The following GAPVD1 variants were observed in gnomAD, a reference collection of about 807,000 sequenced individuals.
The protein encoded by GAPVD1 is GTPase-activating protein and VPS9 domain-containing protein 1.
In GAPVD1, 35 loss-of-function variants were observed where a neutral mutation model predicts 155.5. The observed-to-expected ratio is 0.23, with a 90% confidence interval of 0.17 to 0.30. The LOEUF (loss-of-function observed/expected upper bound fraction) is 0.30. Ranked by LOEUF, GAPVD1 falls within the 10% of genes least tolerant of loss-of-function variation. The pLI is 1.00. For synonymous variants in GAPVD1, 636 were observed against 619.7 expected (o/e 1.03, Z -0.39); for missense variants, 1,429 against 1,775.7 (o/e 0.80, Z 3.51).
At chr9:125,349,589 A>C in intron 21 of GAPVD1, 70 bp downstream of exon 21, 1 of 1,364,232 alleles carries the variant, frequency 7.3e-7, no homozygotes, top group Middle Eastern at 1.8e-4. Context: ...ACGTCAAGTC[A>C]AGTGATGTTT....
At chr9:125,293,028 A>G (rs1048098609) in intron 2 of GAPVD1, among the ~76,000 whole-genome samples, 2 of 152,186 alleles carry the variant, frequency 1.3e-5, no homozygotes, top group African/African-American at 4.8e-5. Flanking sequence ...GTATAGGAAC[A>G]TGTTAGGAAA....
intron 25 of GAPVD1, among the ~76,000 whole-genome samples, chr9:125,358,363 C>T (rs1349561890): frequency 6.6e-6 from 1 of 152,188 alleles, no homozygotes; most frequent in Non-Finnish European, 1.5e-5. Flanking sequence ...ACCTTGGCCT[C>T]CTGAAGTACT....
At chr9:125,277,461 G>A (rs1481465420) in intron 2 of GAPVD1, among the ~76,000 whole-genome samples, 1 of 152,168 alleles carries the variant, frequency 6.6e-6, no homozygotes, top group East Asian at 1.9e-4. Flanking sequence ...AGAATGTATA[G>A]AAGTGTAGTT....
At chr9:125,262,327 GTCTTCTGAGTGTCGC>G (rs1220419953) in intron 1 of GAPVD1, among the ~76,000 whole-genome samples, 5 of 152,182 alleles carry the variant, frequency 3.3e-5, no homozygotes, top group African/African-American at 1.2e-4. Flanking sequence ...GAAATGGAAT[GTCTTCTGAGTGTCGC>G]TGATAAAGAT....
In GAPVD1 at chr9:125,300,023, G is replaced by GAAAAAAAAA. The variant is rs1175810085; in HGVS notation, c.185+925_185+933dup. Among the ~76,000 whole-genome samples, 3 of 666 alleles carry GAAAAAAAAA rather than the reference G, an allele frequency of 4.5e-3. 1 individual carries two copies. Among genetic ancestry groups the GAAAAAAAAA allele is most frequent in the Admixed American group, 0.059 (2 of 34 alleles). 0.4% of individuals were successfully genotyped at this position (666 alleles called of 152,430 possible). On this transcript the variant is annotated intron_variant, in intron 4 of 27. Coordinates refer to ENST00000297933, the MANE Select transcript of GAPVD1 (RefSeq NM_001282680.3). ...GACAGAGTGAGACTCTGTCTCAAAA[G>GAAAAAAAAA]AAAAAAAAAAAAAAAATATATATAT...
chr9:125,334,113 T>A, intron 15 of GAPVD1, among the ~76,000 whole-genome samples: 1 of 151,844 alleles, frequency 6.6e-6, no homozygotes, highest in South Asian at 2.1e-4. Flanking sequence ...GAGGGAGGAG[T>A]GTAGATGAAG....
At chr9:125,329,134 A>G (rs1384687770) in intron 12 of GAPVD1, among the ~76,000 whole-genome samples, 4 of 151,058 alleles carry the variant, frequency 2.6e-5, no homozygotes, top group African/African-American at 9.9e-5. Flanking sequence ...AGGGAGAGGG[A>G]GAGGTGTAAA....
rs189315227 is a variant in GAPVD1 at position 125,282,731 on chromosome 9, A to G, written c.-149-12727A>G. On this transcript the variant is annotated intron_variant, in intron 2 of 27. Transcript: ENST00000297933. Reference sequence around the variant, plus strand: ...TTACAGTATACCATCTGAGATAGATAAGGGCATCATCCCAATTTTGAAGAT... The same window carrying G: ...TTACAGTATACCATCTGAGATAGATGAGGGCATCATCCCAATTTTGAAGAT... Among the ~76,000 whole-genome samples, 433 of 152,298 alleles carry G rather than the reference A, an allele frequency of 2.8e-3. 2 individuals carry two copies. The highest frequency in any genetic ancestry group is 0.01 in the African/African-American group (416 of 41,574).
Position 125,312,573 on chromosome 9 carries a change from A to G in GAPVD1, c.1563A>G (p.Thr521=), listed in dbSNP as rs1406218358. 1 of 1,602,292 alleles carries G rather than the reference A, an allele frequency of 6.2e-7. No individual in the cohort carries two copies. Among genetic ancestry groups the G allele is most frequent in the African/African-American group, 1.3e-5 (1 of 74,382 alleles). Reference sequence around the variant, plus strand: ...AGGTGTTGGTCATTTCCTTAGGTACAGGTCCCCAGCTTACTCCAGGGATGA... The same window carrying G: ...AGGTGTTGGTCATTTCCTTAGGTACGGGTCCCCAGCTTACTCCAGGGATGA... ...PEEVLVISLG[T]GPQLTPGMMS... Residue 521 remains threonine, a synonymous_variant, in exon 9 of 28, where the codon ACA becomes ACG. Coordinates refer to ENST00000297933, the MANE Select transcript of GAPVD1 (RefSeq NM_001282680.3).
chr9:125,302,452 C>G lies in GAPVD1; in HGVS notation c.655C>G (p.Pro219Ala), dbSNP rs1841050686. ...VEDEDHLETD[P>A]NKLIERFSPS... ...AGATGAAGATCACCTGGAAACAGAT[C>G]CAAACAAGCTAATTGAGAGGTTCTC... The change falls in exon 5 of 28, where the codon CCA becomes GCA. Residue 219 changes from proline (P) to alanine (A), a missense_variant. By Grantham distance (27) the Pro-to-Ala change is conservative. Around this residue, in one of 4 missense-constraint regions of GAPVD1, gnomAD observed 628 missense variants for 733.4 expected, o/e 0.86. Coordinates refer to ENST00000297933, the MANE Select transcript of GAPVD1 (RefSeq NM_001282680.3). The G allele has an allele frequency of 6.2e-7, 1 of 1,613,426 alleles. No individual in the cohort carries two copies. Among genetic ancestry groups the G allele is most frequent in the African/African-American group, 1.3e-5 (1 of 74,874 alleles).
intron 23 of GAPVD1, 136 bp downstream of exon 23, chr9:125,351,008 G>A: frequency 4.2e-6 from 3 of 708,368 alleles, no homozygotes; most frequent in Non-Finnish European, 7.3e-6. Flanking sequence ...AGATTTCTGT[G>A]TTAGTCTGTT....
chr9:125,268,347 A>C (rs1307718263), intron 1 of GAPVD1, among the ~76,000 whole-genome samples: 1 of 151,928 alleles, frequency 6.6e-6, no homozygotes, highest in Non-Finnish European at 1.5e-5. Context: ...ATTACCTTAC[A>C]TGGTAACACT....
At chr9:125,350,102 G>T (rs994983635) in intron 21 of GAPVD1, among the ~76,000 whole-genome samples, 193 bp from the exon 22 acceptor site, 3 of 152,182 alleles carry the variant, frequency 2.0e-5, no homozygotes, top group African/African-American at 7.2e-5. Flanking sequence ...AATGGTCCTT[G>T]CCCCGAGCAC....
chr9:125,316,426 G>A (rs780412439), intron 9 of GAPVD1, among the ~76,000 whole-genome samples: 4 of 152,048 alleles, frequency 2.6e-5, no homozygotes, highest in Non-Finnish European at 4.4e-5. Flanking sequence ...GAGAACATGC[G>A]GTGTTTGGTT....
intron 12 of GAPVD1, 66 bp downstream of exon 12, chr9:125,326,655 G>C: frequency 1.8e-6 from 2 of 1,139,612 alleles, no homozygotes; most frequent in Non-Finnish European, 2.6e-6. Flanking sequence ...ACCTTTCATG[G>C]GAGGGAGCAC....
intron 2 of GAPVD1, among the ~76,000 whole-genome samples, chr9:125,288,143 A>T (rs1206738765): frequency 8.3e-6 from 1 of 120,930 alleles, no homozygotes; most frequent in Non-Finnish European, 1.7e-5. Context: ...ACGGAGTCTC[A>T]CTCTGTCGCC....
intron 6 of GAPVD1, 116 bp from the exon 7 acceptor site, chr9:125,307,296 TA>T (rs1428216056): frequency 5.4e-6 from 4 of 738,142 alleles, no homozygotes; most frequent in East Asian, 2.9e-5. Context: ...TTCAACATCT[TA>T]AAAAAATATG....
rs898397939 is a variant in GAPVD1 at position 125,332,135 on chromosome 9, T to A, written c.2308+75T>A. The A allele has an allele frequency of 8.3e-6, 11 of 1,323,526 alleles. No individual in the cohort carries two copies. In the African/African-American group the frequency reaches 1.0e-4, roughly 12 times the overall value. 82.0% of individuals were successfully genotyped at this position (1,323,526 alleles called of 1,614,324 possible). A position where few individuals can be genotyped will look rare whatever the true frequency, so the allele number is the denominator to read the frequency against. On this transcript the variant is annotated intron_variant, in intron 14 of 27. Transcript: ENST00000297933. ...TACCCCCTCCTATTTATAAAGTTGATACAAAAAGATATGTTATATTTAAGA... is the reference window on the plus strand; with the variant it reads ...TACCCCCTCCTATTTATAAAGTTGAAACAAAAAGATATGTTATATTTAAGA...
intron 9 of GAPVD1, among the ~76,000 whole-genome samples, chr9:125,314,889 G>A (rs1433857987): frequency 3.3e-5 from 5 of 149,674 alleles, no homozygotes; most frequent in South Asian, 2.1e-4. Context: ...CCGGGTTCAC[G>A]CCATTCTCCT....
Sources: allele counts gnomAD v4.1 joint callset (sites outside exome capture counted in the v4.1 genomes callset), GRCh38; gene constraint gnomAD v4.1.1; regional missense constraint gnomAD v4.1.1; transcripts MANE v1.5; gene names NCBI Gene and HGNC (gene_info 2026-07-23, HGNC 2026-07-21).